REDIC1: variants seen among roughly 807,000 people sequenced by gnomAD.
REDIC1 encodes HEI10 Interacting Protein 1.
At chr12:39,855,002 C>T in the REDIC1 span, among the ~76,000 whole-genome samples, 1 of 152,128 alleles carries the variant, frequency 6.6e-6, no homozygotes, top group Non-Finnish European at 1.5e-5. Flanking sequence ...ATTTCATTAA[C>T]CTTTTACTGA....
At chr12:39,885,709 T>C in the REDIC1 span, among the ~76,000 whole-genome samples, 1 of 152,166 alleles carries the variant, frequency 6.6e-6, no homozygotes, top group African/African-American at 2.4e-5. Flanking sequence ...GAATAAAACA[T>C]GTCTTCCCTT....
At chr12:39,774,584 C>CTT in the REDIC1 span, among the ~76,000 whole-genome samples, 5 of 130,250 alleles carry the variant, frequency 3.8e-5, no homozygotes, top group Non-Finnish European at 8.3e-5. Context: ...ATTGTCCAGC[C>CTT]TTTTTTTTTT....
chr12:39,742,300 A>C, the REDIC1 span, among the ~76,000 whole-genome samples: 1 of 152,126 alleles, frequency 6.6e-6, no homozygotes, highest in African/African-American at 2.4e-5. Context: ...CCACAGTTAA[A>C]TATCCTTTTT....
chr12:39,671,044 T>C, the REDIC1 span, among the ~76,000 whole-genome samples: 4 of 152,218 alleles, frequency 2.6e-5, no homozygotes, highest in Non-Finnish European at 4.4e-5. Flanking sequence ...AAATTTCTTT[T>C]TTGTTAGAAT....
chr12:39,725,784 T>C, the REDIC1 span, among the ~76,000 whole-genome samples: 1 of 151,756 alleles, frequency 6.6e-6, no homozygotes, highest in African/African-American at 2.4e-5. Context: ...ATATAATTGA[T>C]ATCTATAAAT....
chr12:39,712,125 C>A, the REDIC1 span, among the ~76,000 whole-genome samples: 2 of 126,448 alleles, frequency 1.6e-5, no homozygotes, highest in South Asian at 2.5e-4. Context: ...TGTATATATA[C>A]CTGTATGTAC....
the REDIC1 span, among the ~76,000 whole-genome samples, chr12:39,830,675 T>C: frequency 2.0e-5 from 3 of 152,178 alleles, no homozygotes; most frequent in Non-Finnish European, 4.4e-5. Context: ...AATAGTTTTT[T>C]TTTCTAATAC....
the REDIC1 span, among the ~76,000 whole-genome samples, chr12:39,676,789 G>A: frequency 2.0e-5 from 3 of 152,092 alleles, no homozygotes; most frequent in Non-Finnish European, 2.9e-5. Context: ...AGAAGGAATT[G>A]GGATCCTATC....
At chr12:39,710,118 TA>T in the REDIC1 span, among the ~76,000 whole-genome samples, 1 of 151,866 alleles carries the variant, frequency 6.6e-6, no homozygotes, top group East Asian at 1.9e-4. Context: ...ATTCCTGTAA[TA>T]AATTCCACCA....
chr12:39,688,346 G>T, the REDIC1 span, among the ~76,000 whole-genome samples: 2 of 152,182 alleles, frequency 1.3e-5, no homozygotes, highest in African/African-American at 2.4e-5. Flanking sequence ...TAACTTTTGA[G>T]CACAGTATCA....
the REDIC1 span, among the ~76,000 whole-genome samples, chr12:39,893,902 C>T: frequency 6.6e-6 from 1 of 152,104 alleles, no homozygotes; most frequent in Non-Finnish European, 1.5e-5. Flanking sequence ...AAAGTAAATC[C>T]ATTATTTTTA....
the REDIC1 span, among the ~76,000 whole-genome samples, chr12:39,898,745 C>T: frequency 6.6e-6 from 1 of 152,124 alleles, no homozygotes; most frequent in East Asian, 1.9e-4. Flanking sequence ...GGAATGGAAC[C>T]AGAGTCACCC....
chr12:39,676,264 A>G, the REDIC1 span, among the ~76,000 whole-genome samples: 1 of 152,204 alleles, frequency 6.6e-6, no homozygotes, highest in Non-Finnish European at 1.5e-5. Flanking sequence ...AGACAATCAA[A>G]ACTTCTGTAA....
the REDIC1 span, among the ~76,000 whole-genome samples, chr12:39,763,701 T>G: frequency 6.6e-6 from 1 of 152,146 alleles, no homozygotes; most frequent in Non-Finnish European, 1.5e-5. Context: ...CATGGACTTA[T>G]GAGGATATTA....
chr12:39,716,789 G>C, the REDIC1 span: 10 of 1,603,040 alleles, frequency 6.2e-6, no homozygotes, highest in African/African-American at 1.3e-4. Context: ...CGGTCTACTA[G>C]TTACTCTCCA....
At chr12:39,895,178 A>G in the REDIC1 span, among the ~76,000 whole-genome samples, 1 of 152,054 alleles carries the variant, frequency 6.6e-6, no homozygotes, top group African/African-American at 2.4e-5. Context: ...CAGAACCCTG[A>G]GTAACAAGTA....
chr12:39,784,069 T>C, the REDIC1 span, among the ~76,000 whole-genome samples: 4 of 152,128 alleles, frequency 2.6e-5, no homozygotes, highest in Non-Finnish European at 1.5e-5. Context: ...CTCAACGAAA[T>C]AAAAGAGGAC....
At chr12:39,672,060 G>A in the REDIC1 span, among the ~76,000 whole-genome samples, 7 of 152,222 alleles carry the variant, frequency 4.6e-5, no homozygotes, top group East Asian at 1.4e-3. Flanking sequence ...CAAGCGCCAG[G>A]ACTCTGGAAG....
chr12:39,675,419 C>T, the REDIC1 span, among the ~76,000 whole-genome samples: 1 of 152,078 alleles, frequency 6.6e-6, no homozygotes, highest in Non-Finnish European at 1.5e-5. Context: ...TTTATCCTGG[C>T]CAATGTAGGG....
Sources: allele counts gnomAD v4.1 joint callset (sites outside exome capture counted in the v4.1 genomes callset), GRCh38; gene constraint gnomAD v4.1.1; transcripts MANE v1.5; gene names NCBI Gene and HGNC (gene_info 2026-07-23, HGNC 2026-07-21).